CAMTA1: variants seen among roughly 807,000 people sequenced by gnomAD.
The protein encoded by CAMTA1 is calmodulin binding transcription activator 1.
A neutral mutation model predicts 170.9 loss-of-function variants in CAMTA1; 27 were observed. The ratio of observed to expected loss-of-function variants is 0.16; its 90% CI spans 0.12 to 0.22. The LOEUF (loss-of-function observed/expected upper bound fraction) is 0.22. Ranked by LOEUF, CAMTA1 falls within the 10% of genes least tolerant of loss-of-function variation. CAMTA1 has a pLI of 1.00. For synonymous variants in CAMTA1, 833 were observed against 891.5 expected (o/e 0.93, Z 1.17); for missense variants, 1,619 against 2,217.2 (o/e 0.73, Z 5.42).
At chr1:6,822,895 A>G (rs948083011) in intron 2 of CAMTA1, among the ~76,000 whole-genome samples, 2 of 152,144 alleles carry the variant, frequency 1.3e-5, no homozygotes, top group Non-Finnish European at 2.9e-5. Flanking sequence ...CTAAAAGAAC[A>G]GAAAATTAAC....
At chr1:6,946,693 C>A (rs1366726309) in intron 3 of CAMTA1, among the ~76,000 whole-genome samples, 1 of 151,940 alleles carries the variant, frequency 6.6e-6, no homozygotes, top group African/African-American at 2.4e-5. Flanking sequence ...TGTGAGAGTT[C>A]TTTATATATT....
In CAMTA1 at chr1:7,299,026, G is replaced by A. The variant is rs1412249551; in HGVS notation, c.438+49400G>A. On this transcript the variant is annotated intron_variant, in intron 5 of 22. Transcript: ENST00000303635. This position sits in a 1 kb window ranked among gnomAD's most constrained non-coding sequence, Gnocchi z 4.7. Reference sequence around the variant, plus strand: ...AGGGGCCAAGATGATGAAGTCAGATGTCCTGAGTTTGCATCTTGCCTCTCC... The same window carrying A: ...AGGGGCCAAGATGATGAAGTCAGATATCCTGAGTTTGCATCTTGCCTCTCC... 6.6e-6 allele frequency among the ~76,000 whole-genome samples: 1 copy of A among 152,176 alleles called. No individual in the cohort carries two copies. Among genetic ancestry groups the A allele is most frequent in the East Asian group, 1.9e-4 (1 of 5,188 alleles).
intron 3 of CAMTA1, among the ~76,000 whole-genome samples, chr1:6,908,268 C>G (rs1035511707): frequency 6.6e-6 from 1 of 152,240 alleles, no homozygotes; most frequent in African/African-American, 2.4e-5. Context: ...GTTACTCCCC[C>G]TCACTCCCTT....
At position 7,463,542 on chromosome 1, in the gene CAMTA1, C is replaced by G. The variant is rs2093141393; in HGVS notation, c.439-4288C>G. Among the ~76,000 whole-genome samples, 1 of 151,238 alleles carries G rather than the reference C, an allele frequency of 6.6e-6. No homozygotes were observed. Among genetic ancestry groups the G allele is most frequent in the Non-Finnish European group, 1.5e-5 (1 of 67,876 alleles). Reference sequence around the variant, plus strand: ...AAAGAGATTGAGAGACAGGGAGAGACAGAGAGAGAAAGAAGATGAGACAGA... The same window carrying G: ...AAAGAGATTGAGAGACAGGGAGAGAGAGAGAGAGAAAGAAGATGAGACAGA... On this transcript the variant is annotated intron_variant, in intron 5 of 22. Coordinates refer to ENST00000303635, the MANE Select transcript of CAMTA1 (RefSeq NM_015215.4). The surrounding 1 kb of genome is among the most constrained non-coding windows in gnomAD (Gnocchi z 4.7).
intron 3 of CAMTA1, among the ~76,000 whole-genome samples, chr1:6,836,754 G>T (rs1009565742): frequency 2.0e-5 from 3 of 152,148 alleles, no homozygotes; most frequent in Non-Finnish European, 4.4e-5. Context: ...GCTCTCATGT[G>T]CAAGAAACAA....
At chr1:6,858,777 C>A (rs1438637950) in intron 3 of CAMTA1, among the ~76,000 whole-genome samples, 1 of 152,106 alleles carries the variant, frequency 6.6e-6, no homozygotes, top group Admixed American at 6.6e-5. Context: ...ATGAGGACCC[C>A]AGTGTCGTAA....
chr1:7,257,076 C>T (rs917585232), intron 5 of CAMTA1, among the ~76,000 whole-genome samples: 2 of 135,212 alleles, frequency 1.5e-5, no homozygotes, highest in Non-Finnish European at 3.3e-5. Flanking sequence ...CATCGCATGG[C>T]GGGGGCGGGG....
chr1:6,786,532 C>A (rs1639435802), intron 1 of CAMTA1, among the ~76,000 whole-genome samples: 1 of 152,210 alleles, frequency 6.6e-6, no homozygotes, highest in Non-Finnish European at 1.5e-5. Flanking sequence ...TCAGGCTGCC[C>A]ATGTTCTTCT....
chr1:7,483,235 C>T (rs1005140786), intron 6 of CAMTA1, among the ~76,000 whole-genome samples: 8 of 152,142 alleles, frequency 5.3e-5, no homozygotes, highest in Admixed American at 1.3e-4. Flanking sequence ...GCAGTCAGAC[C>T]GGAGGAAGAG....
chr1:7,396,148 C>T (rs985117089), intron 5 of CAMTA1, among the ~76,000 whole-genome samples: 3 of 152,158 alleles, frequency 2.0e-5, no homozygotes, highest in African/African-American at 7.2e-5. Context: ...GTGTCATCCT[C>T]GCAGTAATGA....
chr1:7,625,411 GC>G (rs993863081), intron 6 of CAMTA1, among the ~76,000 whole-genome samples: 9 of 152,252 alleles, frequency 5.9e-5, no homozygotes, highest in African/African-American at 2.2e-4. Context: ...GCCTGATTCT[GC>G]CCCCATCGGG....
chr1:7,101,326 C>A (rs752253956), intron 4 of CAMTA1, among the ~76,000 whole-genome samples: 2 of 152,090 alleles, frequency 1.3e-5, no homozygotes, highest in Non-Finnish European at 2.9e-5. Flanking sequence ...AGTTGGCCTG[C>A]GGGCCTTGTG....
At chr1:7,026,635 CTTTTTTT>C (rs540196853) in intron 3 of CAMTA1, among the ~76,000 whole-genome samples, 1 of 116,552 alleles carries the variant, frequency 8.6e-6, no homozygotes, top group Non-Finnish European at 1.7e-5. Flanking sequence ...TGGGTGGCTG[CTTTTTTT>C]TTTTTTTTTT....
At chr1:7,226,326 C>T (rs950300906) in intron 4 of CAMTA1, among the ~76,000 whole-genome samples, 1 of 152,154 alleles carries the variant, frequency 6.6e-6, no homozygotes, top group Admixed American at 6.5e-5. Flanking sequence ...CACTTGCCTT[C>T]AGGCTGTTCC....
chr1:7,340,034 CA>C (rs2083680550), intron 5 of CAMTA1, among the ~76,000 whole-genome samples: 1 of 152,188 alleles, frequency 6.6e-6, no homozygotes, highest in African/African-American at 2.4e-5. Flanking sequence ...TCCCAGGAAT[CA>C]GCAAATTTTT....
chr1:7,123,511 C>T (rs923338559), intron 4 of CAMTA1, among the ~76,000 whole-genome samples: 4 of 152,186 alleles, frequency 2.6e-5, no homozygotes, highest in Non-Finnish European at 5.9e-5. Context: ...ACGTCTGCTG[C>T]GTGCCCCTGC....
intron 5 of CAMTA1, among the ~76,000 whole-genome samples, chr1:7,402,904 A>G (rs1233658891): frequency 6.6e-6 from 1 of 152,198 alleles, no homozygotes; most frequent in Non-Finnish European, 1.5e-5. Context: ...CCACAGCAGG[A>G]ATGGGGCACG....
intron 5 of CAMTA1, among the ~76,000 whole-genome samples, chr1:7,417,539 A>G (rs961771697): frequency 1.3e-5 from 2 of 152,220 alleles, no homozygotes; most frequent in African/African-American, 4.8e-5. Flanking sequence ...TGTGCTAGCA[A>G]TCAGCGAGAC....
At chr1:7,008,833 T>C (rs1699383019) in intron 3 of CAMTA1, 1 of 152,250 alleles carries the variant, frequency 6.6e-6, no homozygotes, top group South Asian at 2.1e-4. Flanking sequence ...CTGAGCTATT[T>C]AGTGAATGAA....
Sources: gnomAD v4.1 joint callset for allele counts (sites outside exome capture counted in the v4.1 genomes callset) on GRCh38, gnomAD v4.1.1 for gene constraint, Gnocchi (gnomAD v3.1) non-coding constraint, MANE v1.5 for transcripts, NCBI Gene and HGNC (gene_info 2026-07-23, HGNC 2026-07-21) for gene names.